IBTK: variants seen among roughly 807,000 people sequenced by gnomAD.
IBTK encodes the protein BTK-binding protein.
Under a neutral mutation model 154.9 loss-of-function variants are expected in IBTK, and 83 were observed. The observed-to-expected ratio is 0.54, with a 90% CI of 0.45 to 0.64. The LOEUF is 0.64. IBTK is among the 30% of genes least tolerant of loss of function. The pLI is 0.00. For missense variants in IBTK, 1,332 were observed against 1,584.6 expected (o/e 0.84, Z 2.71); for synonymous variants, 515 against 536.1 (o/e 0.96, Z 0.54).
chr6:82,205,089 A>G (rs1236258731), intron 16 of IBTK, 131 bp from the exon 17 acceptor site: 2 of 443,956 alleles, frequency 4.5e-6, no homozygotes, highest in East Asian at 7.0e-5. Flanking sequence ...TTAGTACACT[A>G]GAAAAGAGAT....
chr6:82,200,753 G>GTTTTTTTTTTTTT, intron 19 of IBTK, 45 bp from the exon 20 acceptor site: 6 of 392,562 alleles, frequency 1.5e-5, no homozygotes, highest in South Asian at 1.3e-4. Context: ...AATCTGTGAA[G>GTTTTTTTTTTTTT]TTTTTTTTTT....
At chr6:82,234,905 G>A (rs993957785) in intron 2 of IBTK, among the ~76,000 whole-genome samples, 9 of 151,934 alleles carry the variant, frequency 5.9e-5, no homozygotes, top group Admixed American at 1.3e-4. Flanking sequence ...TTGTCGCCCA[G>A]GCTGGAGTGC....
chr6:82,233,191 G>A (rs184279736), intron 3 of IBTK, among the ~76,000 whole-genome samples: 1 of 151,688 alleles, frequency 6.6e-6, no homozygotes, highest in East Asian at 1.9e-4. Flanking sequence ...ATTGGGCATG[G>A]TGGCATGGGT....
At chr6:82,184,518 G>A (rs951949349) in intron 25 of IBTK, among the ~76,000 whole-genome samples, 1 of 152,180 alleles carries the variant, frequency 6.6e-6, no homozygotes, top group African/African-American at 2.4e-5. Flanking sequence ...TTAATTTTGA[G>A]AAGTAGCCAA....
Position 82,181,889 on chromosome 6 carries a change from T to G in IBTK, c.3715A>C (p.Lys1239Gln). 1 of 1,578,116 alleles carries G rather than the reference T, an allele frequency of 6.3e-7. No individual in the cohort carries two copies. Among genetic ancestry groups the G allele is most frequent in the Non-Finnish European group, 8.6e-7 (1 of 1,169,442 alleles). Residue 1239 changes from lysine (K) to glutamine (Q), a missense_variant, in exon 26 of 29, where the codon AAA (lysine) becomes CAA (glutamine). Physicochemically the swap from Lys to Gln is moderately conservative, Grantham distance 53 (BLOSUM62 1). Around this residue, in one of 3 missense-constraint regions of IBTK, gnomAD observed 1,134 missense variants for 1,274.7 expected, o/e 0.89. Coordinates refer to ENST00000306270, the MANE Select transcript of IBTK (RefSeq NM_015525.4). ...AGTTTGTTTTATTACCTGACAATTT[T>G]TGGTGCCTGAGAATTTTCAATTCCT... The part of the protein sequence containing the change: ...FKGIENSQAP[K>Q]IVRCSTHGTP...
chr6:82,201,914 T>G (rs898689812), intron 18 of IBTK, among the ~76,000 whole-genome samples: 1 of 151,980 alleles, frequency 6.6e-6, no homozygotes, highest in Non-Finnish European at 1.5e-5. Context: ...TTATTAGAGA[T>G]AGGGTTTCAC....
At chr6:82,208,624 T>A (rs957364982) in intron 16 of IBTK, among the ~76,000 whole-genome samples, 1 of 152,040 alleles carries the variant, frequency 6.6e-6, no homozygotes, top group East Asian at 1.9e-4. Flanking sequence ...ACAGCTGTAG[T>A]CCCAGTTACT....
chr6:82,223,049 T>C (rs1770156771), intron 8 of IBTK, among the ~76,000 whole-genome samples: 2 of 152,092 alleles, frequency 1.3e-5, no homozygotes, highest in South Asian at 4.1e-4. Context: ...GGGCTCATGA[T>C]ATATGATTAT....
Position 82,194,044 on chromosome 6 carries a change from A to G in IBTK, c.3338+435T>C, listed in dbSNP as rs180961061. On this transcript the variant is annotated intron_variant, in intron 23 of 28. Coordinates refer to ENST00000306270, the MANE Select transcript of IBTK (RefSeq NM_015525.4). ...TATAATATAGGCAAGTTAAAAGGAT[A>G]GTATAACATTAAATTAATATCCTCT... Among the ~76,000 whole-genome samples the G allele has an allele frequency of 1.3e-3, 199 of 152,322 alleles. 2 individuals are homozygous for G. The East Asian group carries it at 0.03, about 23-fold the overall frequency.
rs1312511735 is a variant in IBTK, at chr6:82,224,186, C to T, written c.826-1G>A. Reference sequence around the variant, plus strand: ...TTCCTTTCAGATATTTTGCCTGTATCTATTTAAAGACAAATAAAACTGCAA... The same window carrying T: ...TTCCTTTCAGATATTTTGCCTGTATTTATTTAAAGACAAATAAAACTGCAA... On this transcript the variant is annotated splice_acceptor_variant, in intron 6 of 28. Coordinates refer to ENST00000306270, the MANE Select transcript of IBTK (RefSeq NM_015525.4). LOFTEE classifies it high-confidence loss of function. The T allele has an allele frequency of 6.2e-7, 1 of 1,607,324 alleles. No homozygotes were observed. Among genetic ancestry groups the T allele is most frequent in the East Asian group, 2.2e-5 (1 of 44,830 alleles).
intron 1 of IBTK, among the ~76,000 whole-genome samples, chr6:82,242,375 A>G (rs1417500485): frequency 1.3e-5 from 2 of 152,190 alleles, no homozygotes; most frequent in South Asian, 2.1e-4. Flanking sequence ...GTATCAAAAA[A>G]AAAAAAAAAT....
intron 9 of IBTK, among the ~76,000 whole-genome samples, chr6:82,220,344 G>T (rs953675525): frequency 1.3e-5 from 2 of 152,016 alleles, no homozygotes; most frequent in Non-Finnish European, 2.9e-5. Flanking sequence ...TAAAATTTTT[G>T]ATTACAGTTT....
At chr6:82,175,125 C>A in intron 26 of IBTK, 2 of 300,746 alleles carry the variant, frequency 6.7e-6, no homozygotes, top group Non-Finnish European at 6.8e-6. Flanking sequence ...TCAGTGTCCA[C>A]CAGAATACTT....
chr6:82,209,320 C>T (rs1769539011), intron 16 of IBTK, among the ~76,000 whole-genome samples: 1 of 152,132 alleles, frequency 6.6e-6, no homozygotes, highest in Non-Finnish European at 1.5e-5. Context: ...AAAACAACCC[C>T]AACATCCATC....
At chr6:82,215,170 G>A (rs1040207216) in intron 11 of IBTK, among the ~76,000 whole-genome samples, 4 of 152,146 alleles carry the variant, frequency 2.6e-5, no homozygotes, top group African/African-American at 9.7e-5. Flanking sequence ...CAACCCTCCT[G>A]TGGTTTGCCT....
chr6:82,205,393 T>C (rs753487541), intron 16 of IBTK: 1 of 152,464 alleles, frequency 6.6e-6, no homozygotes, highest in Non-Finnish European at 1.5e-5. Flanking sequence ...GGGGAAATAA[T>C]GCTCTTATGC....
intron 24 of IBTK, 106 bp from the exon 25 acceptor site, chr6:82,191,322 A>T (rs911460999): frequency 4.6e-6 from 4 of 865,950 alleles, no homozygotes; most frequent in Admixed American, 3.0e-5. Flanking sequence ...TTTCTGCTTA[A>T]TAAAGGTTAC....
chr6:82,179,917 G>A (rs1158773937), intron 26 of IBTK, among the ~76,000 whole-genome samples: 4 of 152,008 alleles, frequency 2.6e-5, no homozygotes, highest in African/African-American at 4.8e-5. Context: ...TCTGAAATGG[G>A]AAGCATTAAG....
rs530274851 is a variant in IBTK at position 82,245,753 on chromosome 6, C to A, written c.-358+1809G>T. Among the ~76,000 whole-genome samples the A allele has an allele frequency of 4.6e-5, 7 of 151,914 alleles. No homozygotes were observed. The East Asian group carries it at 7.7e-4, about 17-fold the overall frequency. Reference sequence around the variant, plus strand: ...ACAGGATTTTGAACAGCCTTATGTGCCTTTTCTTAGAGATTTAAAAAAAAA... The same window carrying A: ...ACAGGATTTTGAACAGCCTTATGTGACTTTTCTTAGAGATTTAAAAAAAAA... On this transcript the variant is annotated intron_variant, in intron 1 of 28. Coordinates refer to ENST00000306270, the MANE Select transcript of IBTK (RefSeq NM_015525.4).
Sources: gnomAD v4.1 joint callset for allele counts (sites outside exome capture counted in the v4.1 genomes callset) on GRCh38, gnomAD v4.1.1 for gene constraint, gnomAD v4.1.1 regional missense constraint, MANE v1.5 for transcripts, NCBI Gene and HGNC (gene_info 2026-07-23, HGNC 2026-07-21) for gene names.